ASIC2: variants seen among roughly 807,000 people sequenced by gnomAD.
ASIC2 encodes acid sensing ion channel subunit 2.
A neutral mutation model predicts 57.3 loss-of-function variants in ASIC2; 25 were observed. The observed-to-expected ratio is 0.44, with a 90% CI of 0.32 to 0.61. The LOEUF is 0.61. Among genes scored for constraint, ASIC2 ranks in the 20% least tolerant of loss-of-function variants. The pLI is 0.06. For synonymous variants in ASIC2, 319 were observed against 307.5 expected, an observed-to-expected ratio of 1.04 and a Z score of -0.39; for missense variants, 641 against 738.1, an observed-to-expected ratio of 0.87 and a Z score of 1.52.
At chr17:33,460,763 C>T (rs1193787141) in intron 1 of ASIC2, among the ~76,000 whole-genome samples, 5 of 152,148 alleles carry the variant, frequency 3.3e-5, no homozygotes, top group African/African-American at 4.8e-5. Context: ...ATCCATTTTA[C>T]AGGTGAGAAA....
Position 34,121,361 on chromosome 17 carries a change from C to T in ASIC2, c.555+34617G>A, listed in dbSNP as rs528606135. Among the ~76,000 whole-genome samples, 5 of 152,280 alleles carry T rather than the reference C, an allele frequency of 3.3e-5. No individual in the cohort carries two copies. The East Asian group carries it at 7.7e-4, about 24-fold the overall frequency. On this transcript the variant is annotated intron_variant, in intron 1 of 9. Coordinates refer to the ASIC2 transcript ENST00000359872. The stretch of plus-strand genomic sequence containing the variant: ...TATCCTTCCAAACACTGGAAAGGAA[C>T]TTCGCCTGTACTCTCCTGTCAACCC...
chr17:33,069,413 T>C (rs887682998), intron 3 of ASIC2, among the ~76,000 whole-genome samples: 29 of 152,240 alleles, frequency 1.9e-4, no homozygotes, highest in African/African-American at 7.0e-4. Flanking sequence ...ACTTGTCCTA[T>C]CAATTATTGA....
chr17:33,164,291 G>T (rs1026396354), intron 1 of ASIC2, among the ~76,000 whole-genome samples: 11 of 152,148 alleles, frequency 7.2e-5, no homozygotes, highest in African/African-American at 2.4e-4. Flanking sequence ...TTGGCAGAAT[G>T]ACAGTTTCTA....
chr17:33,324,853 T>C (rs1448679720), intron 1 of ASIC2, among the ~76,000 whole-genome samples: 4 of 152,214 alleles, frequency 2.6e-5, no homozygotes, highest in African/African-American at 9.6e-5. Flanking sequence ...GCCTGCCTGC[T>C]GCCCTTCTCA....
At chr17:33,677,232 A>C (rs1191149829) in intron 1 of ASIC2, among the ~76,000 whole-genome samples, 1 of 152,212 alleles carries the variant, frequency 6.6e-6, no homozygotes, top group Non-Finnish European at 1.5e-5. Context: ...TAGGACTTTC[A>C]TAGCTAGAGA....
chr17:33,129,528 T>C (rs1392459015), intron 1 of ASIC2, among the ~76,000 whole-genome samples: 3 of 152,204 alleles, frequency 2.0e-5, no homozygotes, highest in Admixed American at 6.5e-5. Context: ...AAATAACAAC[T>C]AAAGTGTCCA....
intron 1 of ASIC2, among the ~76,000 whole-genome samples, chr17:33,521,361 G>A (rs1013489331): frequency 3.9e-5 from 6 of 152,194 alleles, no homozygotes; most frequent in African/African-American, 7.2e-5. Flanking sequence ...CCTGCCACTC[G>A]GGGCCAGCCT....
chr17:33,175,034 T>C lies in ASIC2; in HGVS notation c.709-62967A>G, dbSNP rs1263292244. ...TATCAAAATTTAAAACCCTGAGCAA[T>C]TAAGATGCTATAAATTGAAAAGTTC... On this transcript the variant is annotated intron_variant, in intron 1 of 9. Transcript: ENST00000225823. 2.0e-5 allele frequency among the ~76,000 whole-genome samples: 3 copies of C among 152,136 alleles called. No individual in the cohort carries two copies. In the East Asian group the frequency reaches 5.8e-4, roughly 29 times the overall value.
intron 1 of ASIC2, among the ~76,000 whole-genome samples, chr17:33,687,631 T>C (rs956166775): frequency 1.3e-5 from 2 of 152,162 alleles, no homozygotes; most frequent in Admixed American, 1.3e-4. Flanking sequence ...AATGTGGCTC[T>C]GGGTGGCAGG....
At chr17:34,030,815 C>T (rs1304106351) in intron 1 of ASIC2, among the ~76,000 whole-genome samples, 3 of 152,170 alleles carry the variant, frequency 2.0e-5, no homozygotes, top group Admixed American at 1.3e-4. Context: ...GGGAGGGGCA[C>T]CCGCAATTGC....
intron 7 of ASIC2, 110 bp from the exon 8 acceptor site, chr17:33,017,794 G>T: frequency 1.2e-5 from 12 of 983,234 alleles, no homozygotes; most frequent in East Asian, 4.9e-5. Flanking sequence ...TCCATGGGGA[G>T]CCTGGGCCTT....
intron 1 of ASIC2, among the ~76,000 whole-genome samples, chr17:33,167,715 G>A (rs1216464067): frequency 6.6e-6 from 1 of 152,184 alleles, no homozygotes; most frequent in East Asian, 1.9e-4. Context: ...GCCATGCTCA[G>A]CAAAACTAGA....
At chr17:33,931,262 C>T (rs902798715) in intron 1 of ASIC2, 34 of 152,350 alleles carry the variant, frequency 2.2e-4, no homozygotes, top group African/African-American at 7.7e-4. Flanking sequence ...GTGAGAGGGT[C>T]GTGATCGATT....
intron 1 of ASIC2, among the ~76,000 whole-genome samples, chr17:34,114,340 A>G (rs748285360): frequency 4.3e-4 from 66 of 152,136 alleles, no homozygotes; most frequent in Admixed American, 5.2e-4. Context: ...AACTGGGAGG[A>G]CAGCATGTTC....
chr17:33,967,846 G>T (rs1194716970), intron 1 of ASIC2, among the ~76,000 whole-genome samples: 3 of 152,144 alleles, frequency 2.0e-5, no homozygotes, highest in African/African-American at 7.2e-5. Flanking sequence ...GTTGCACAGG[G>T]CCCTGTGCTC....
At position 33,105,965 on chromosome 17, in the gene ASIC2, A is replaced by G. The variant is rs374361514; in HGVS notation, c.859+5952T>C. 3.3e-5 allele frequency among the ~76,000 whole-genome samples: 5 copies of G among 152,196 alleles called. No individual in the cohort carries two copies. In the East Asian group the frequency reaches 7.7e-4, roughly 23 times the overall value. On this transcript the variant is annotated intron_variant, in intron 2 of 9. Coordinates refer to ENST00000225823, the MANE Select transcript of ASIC2 (RefSeq NM_183377.2). ...TTTCTAAGCAGCAAAGCATTCAAAG[A>G]TGAGGGATGAAGAGTAGGGGTGAGG...
intron 1 of ASIC2, among the ~76,000 whole-genome samples, chr17:33,421,530 T>C (rs1470180980): frequency 6.6e-6 from 1 of 152,196 alleles, no homozygotes; most frequent in African/African-American, 2.4e-5. Flanking sequence ...AGTGAAGAAG[T>C]CCCAACAACC....
intron 1 of ASIC2, among the ~76,000 whole-genome samples, chr17:33,126,061 A>T (rs1048335096): frequency 6.6e-6 from 1 of 152,378 alleles, no homozygotes; most frequent in African/African-American, 2.4e-5. Flanking sequence ...GGAGAGACAG[A>T]TGTGATGAAA....
intron 1 of ASIC2, among the ~76,000 whole-genome samples, chr17:33,953,523 G>T (rs1597946992): frequency 6.6e-6 from 1 of 151,850 alleles, no homozygotes; most frequent in African/African-American, 2.4e-5. Context: ...TCAAATCCTG[G>T]TCTATTGTAT....
Sources: gnomAD v4.1 joint callset for allele counts (sites outside exome capture counted in the v4.1 genomes callset) on GRCh38, gnomAD v4.1.1 for gene constraint, MANE v1.5 for transcripts, NCBI Gene and HGNC (gene_info 2026-07-23, HGNC 2026-07-21) for gene names.